Variants in SPOCK1 observed in about 807,000 individuals in gnomAD.
SPOCK1 encodes SPARC (osteonectin), cwcv and kazal like domains proteoglycan 1, also known as testican-1.
In SPOCK1, 23 loss-of-function variants were observed where a neutral mutation model predicts 55.3. The ratio of observed to expected loss-of-function variants is 0.42; its 90% CI spans 0.30 to 0.59. The LOEUF (loss-of-function observed/expected upper bound fraction) is 0.59. SPOCK1 is among the 20% of genes least tolerant of loss of function. SPOCK1 has a pLI of 0.22. For synonymous variants in SPOCK1, 226 were observed against 221.0 expected (o/e 1.02, Z -0.20); for missense variants, 499 against 552.5 (o/e 0.90, Z 0.97).
At chr5:137,225,188 T>C (rs1044737668) in intron 3 of SPOCK1, among the ~76,000 whole-genome samples, 17 of 151,922 alleles carry the variant, frequency 1.1e-4, no homozygotes, top group African/African-American at 4.1e-4. Flanking sequence ...ATGACAAGAA[T>C]TAGACTTCAG....
At chr5:137,444,111 C>T (rs1753073172) in intron 2 of SPOCK1, among the ~76,000 whole-genome samples, 1 of 152,170 alleles carries the variant, frequency 6.6e-6, no homozygotes, top group Non-Finnish European at 1.5e-5. Flanking sequence ...TAGCTTCCAC[C>T]TGTGAGGGCA....
At chr5:137,164,453 C>A (rs190720786) in intron 3 of SPOCK1, among the ~76,000 whole-genome samples, 1 of 152,290 alleles carries the variant, frequency 6.6e-6, no homozygotes, top group Admixed American at 6.5e-5. Flanking sequence ...AGCCAGGTAG[C>A]TCACTATGGG....
chr5:136,996,758 A>C (rs529551190), intron 6 of SPOCK1, among the ~76,000 whole-genome samples: 1 of 152,232 alleles, frequency 6.6e-6, no homozygotes, highest in Admixed American at 6.5e-5. Flanking sequence ...CAGGATCCTA[A>C]AAGTAGCCAA....
chr5:137,229,737 G>C (rs1332384926), intron 3 of SPOCK1, among the ~76,000 whole-genome samples: 4 of 152,122 alleles, frequency 2.6e-5, no homozygotes, highest in African/African-American at 7.2e-5. Context: ...TTGGGGGAAG[G>C]GGGTGCACAG....
At chr5:137,498,293 C>CACACAG (rs1754343182) in intron 2 of SPOCK1, 80 bp downstream of exon 2, 1 of 1,377,806 alleles carries the variant, frequency 7.3e-7, no homozygotes, top group African/African-American at 1.5e-5. Flanking sequence ...CACACACACA[C>CACACAG]ACACACACCC....
chr5:137,341,855 C>T (rs1263677003), intron 2 of SPOCK1, among the ~76,000 whole-genome samples: 2 of 152,212 alleles, frequency 1.3e-5, no homozygotes, highest in Non-Finnish European at 2.9e-5. Context: ...AAAACTTGTT[C>T]CTTCTAATAA....
chr5:137,253,676 G>A (rs1397663323), intron 3 of SPOCK1, among the ~76,000 whole-genome samples: 1 of 152,182 alleles, frequency 6.6e-6, no homozygotes, highest in East Asian at 1.9e-4. Flanking sequence ...CTCCATGGCA[G>A]CCTACCCCAT....
intron 5 of SPOCK1, among the ~76,000 whole-genome samples, chr5:137,096,830 G>T (rs1006046185): frequency 2.0e-5 from 3 of 152,164 alleles, no homozygotes; most frequent in Non-Finnish European, 4.4e-5. Flanking sequence ...AGTGTGAATT[G>T]GTGTAGTTCT....
At chr5:137,057,751 C>A (rs971455944) in intron 6 of SPOCK1, among the ~76,000 whole-genome samples, 1 of 152,168 alleles carries the variant, frequency 6.6e-6, no homozygotes, top group African/African-American at 2.4e-5. Flanking sequence ...GGGGTGGAAG[C>A]CACTTACTTT....
chr5:137,460,410 A>G (rs1468686710), intron 2 of SPOCK1, among the ~76,000 whole-genome samples: 1 of 152,182 alleles, frequency 6.6e-6, no homozygotes, highest in Non-Finnish European at 1.5e-5. Context: ...GATAAGGACC[A>G]GCCTGTTTAA....
chr5:137,421,950 C>T (rs1432898642), intron 2 of SPOCK1, among the ~76,000 whole-genome samples: 1 of 152,162 alleles, frequency 6.6e-6, no homozygotes, highest in Non-Finnish European at 1.5e-5. Flanking sequence ...TGTTCCTTTC[C>T]ATGTTTAGTG....
chr5:137,302,579 A>AAAATAAAT lies in SPOCK1; in HGVS notation c.187-35532_187-35525dup, dbSNP rs56375242. 1.7e-3 allele frequency among the ~76,000 whole-genome samples: 235 copies of AAAATAAAT among 141,200 alleles called. 1 individual carries two copies. The highest frequency in any genetic ancestry group is 3.7e-3 in the Middle Eastern group (1 of 272). The allele number at this position is 141,200 out of a possible 152,430, so 92.6% of individuals were successfully genotyped here. A position where few individuals can be genotyped will look rare whatever the true frequency, so the allele number is the denominator to read the frequency against. On this transcript the variant is annotated intron_variant, in intron 2 of 10. Transcript: ENST00000394945. ...GCAACAGAGTGAGACTCCATCTCAA[A>AAAATAAAT]AAATAAATAAATAAATAAATAAATA...
intron 2 of SPOCK1, among the ~76,000 whole-genome samples, chr5:137,355,681 G>A (rs955771209): frequency 2.6e-5 from 4 of 152,110 alleles, no homozygotes; most frequent in Non-Finnish European, 4.4e-5. Context: ...TTTTCACTCA[G>A]TTTGCATCAA....
intron 4 of SPOCK1, among the ~76,000 whole-genome samples, chr5:137,118,811 C>T (rs972907151): frequency 1.3e-5 from 2 of 152,184 alleles, no homozygotes; most frequent in Non-Finnish European, 2.9e-5. Flanking sequence ...TGCCATCTAC[C>T]ATGTTTGTAT....
In SPOCK1 at chr5:137,298,406, T is replaced by G. The variant is rs1474707226; in HGVS notation, c.187-31351A>C. ...TGGTTTGAAATGTGGGTCTTATTTA[T>G]GACACTGAATGGTTTCTCTTGGCAA... On this transcript the variant is annotated intron_variant, in intron 2 of 10. Coordinates refer to ENST00000394945, the MANE Select transcript of SPOCK1 (RefSeq NM_004598.4). Among the ~76,000 whole-genome samples the G allele has an allele frequency of 2.6e-5, 4 of 152,236 alleles. No individual in the cohort carries two copies. The East Asian group carries it at 7.7e-4, about 29-fold the overall frequency.
chr5:137,247,335 A>C (rs1256917648), intron 3 of SPOCK1, among the ~76,000 whole-genome samples: 1 of 151,994 alleles, frequency 6.6e-6, no homozygotes, highest in African/African-American at 2.4e-5. Flanking sequence ...GGTGCAGGTC[A>C]GTGGCAAACA....
intron 2 of SPOCK1, among the ~76,000 whole-genome samples, chr5:137,318,659 G>A (rs1757926397): frequency 6.6e-6 from 1 of 152,182 alleles, no homozygotes. Flanking sequence ...ACTACCCTTT[G>A]ATTAATGGGA....
chr5:137,080,351 G>A (rs969761135), intron 5 of SPOCK1, among the ~76,000 whole-genome samples: 1 of 152,176 alleles, frequency 6.6e-6, no homozygotes, highest in African/African-American at 2.4e-5. Context: ...AATGTTTTCT[G>A]ATGTTTGCTC....
At chr5:137,177,180 G>C (rs1015732273) in intron 3 of SPOCK1, among the ~76,000 whole-genome samples, 1 of 152,176 alleles carries the variant, frequency 6.6e-6, no homozygotes, top group Non-Finnish European at 1.5e-5. Context: ...AATGAATGCT[G>C]GGTGTACTTT....
Sources: allele counts gnomAD v4.1 joint callset (sites outside exome capture counted in the v4.1 genomes callset), GRCh38; gene constraint gnomAD v4.1.1; transcripts MANE v1.5; gene names NCBI Gene and HGNC (gene_info 2026-07-23, HGNC 2026-07-21).